The following TRPC6 variants were observed in gnomAD, a reference collection of about 807,000 sequenced individuals.
TRPC6 encodes the protein short transient receptor potential channel 6.
In TRPC6, 55 loss-of-function variants were observed where a neutral mutation model predicts 90.7. The ratio of observed to expected loss-of-function variants is 0.61; its 90% CI spans 0.49 to 0.76. The LOEUF (loss-of-function observed/expected upper bound fraction) is 0.76. Ranked by LOEUF, TRPC6 falls within the 30% of genes least tolerant of loss-of-function variation. TRPC6 has a pLI of 0.00. For synonymous variants in TRPC6, 393 were observed against 393.0 expected (o/e 1.00, Z 0.00); for missense variants, 989 against 1,122.7 (o/e 0.88, Z 1.70).
intron 1 of TRPC6, chr11:101,519,902 C>CA (rs1860615339): frequency 6.5e-6 from 1 of 153,204 alleles, no homozygotes; most frequent in African/African-American, 2.4e-5. Context: ...CTCCCTCACT[C>CA]AGTCTCTCTG....
intron 1 of TRPC6, among the ~76,000 whole-genome samples, chr11:101,576,822 C>G (rs780108702): frequency 6.6e-6 from 1 of 152,176 alleles, no homozygotes; most frequent in Non-Finnish European, 1.5e-5. Flanking sequence ...TATGCAATGT[C>G]TTCCTGGAGG....
At chr11:101,536,498 CTACTCTAGGG>C (rs1861051696) in intron 1 of TRPC6, among the ~76,000 whole-genome samples, 1 of 151,392 alleles carries the variant, frequency 6.6e-6, no homozygotes, top group South Asian at 2.1e-4. Flanking sequence ...GGTATATTCT[CTACTCTAGGG>C]TAGGAATCAG....
At chr11:101,484,820 G>A (rs1406949890) in intron 4 of TRPC6, among the ~76,000 whole-genome samples, 4 of 151,888 alleles carry the variant, frequency 2.6e-5, no homozygotes, top group African/African-American at 4.8e-5. Flanking sequence ...TCATGTAAAT[G>A]CTATGTAAAT....
At chr11:101,510,061 C>T (rs565969079) in intron 1 of TRPC6, among the ~76,000 whole-genome samples, 1 of 152,230 alleles carries the variant, frequency 6.6e-6, no homozygotes, top group South Asian at 2.1e-4. Flanking sequence ...ACAGTAAAAG[C>T]TGCTTGTATG....
At chr11:101,550,138 T>G (rs1861418735) in intron 1 of TRPC6, among the ~76,000 whole-genome samples, 1 of 151,624 alleles carries the variant, frequency 6.6e-6, no homozygotes, top group Non-Finnish European at 1.5e-5. Flanking sequence ...TTTTTTAAGA[T>G]GTTTTTTGCA....
intron 1 of TRPC6, among the ~76,000 whole-genome samples, chr11:101,524,485 G>A (rs1213075533): frequency 6.6e-6 from 1 of 152,152 alleles, no homozygotes; most frequent in Non-Finnish European, 1.5e-5. Context: ...TCATGACCTC[G>A]TGATCCACCC....
At chr11:101,525,211 A>G (rs545578973) in intron 1 of TRPC6, among the ~76,000 whole-genome samples, 1 of 152,234 alleles carries the variant, frequency 6.6e-6, no homozygotes, top group Non-Finnish European at 1.5e-5. Context: ...AAGGTGGTAG[A>G]GCATTTTGGC....
intron 1 of TRPC6, among the ~76,000 whole-genome samples, chr11:101,525,486 C>T (rs897914041): frequency 6.6e-6 from 1 of 152,196 alleles, no homozygotes; most frequent in African/African-American, 2.4e-5. Context: ...GGACAACACT[C>T]ATAGTTCTGG....
At chr11:101,573,156 T>C (rs1862001034) in intron 1 of TRPC6, among the ~76,000 whole-genome samples, 1 of 152,128 alleles carries the variant, frequency 6.6e-6, no homozygotes. Context: ...ATTGTAGAGA[T>C]AAGGCCAATA....
intron 1 of TRPC6, among the ~76,000 whole-genome samples, chr11:101,523,442 A>G (rs1860705952): frequency 6.6e-6 from 1 of 152,254 alleles, no homozygotes; most frequent in Non-Finnish European, 1.5e-5. Flanking sequence ...TTTCTAAGAT[A>G]TATGAGAAAA....
At position 101,536,399 on chromosome 11, in the gene TRPC6, TC is replaced by T. The variant is rs778827135; in HGVS notation, c.171-31602del. 9.7e-3 allele frequency among the ~76,000 whole-genome samples: 839 copies of T among 86,712 alleles called. 8 individuals carry two copies. Among genetic ancestry groups the T allele is most frequent in the African/African-American group, 0.033 (783 of 23,974 alleles). 56.9% of individuals were successfully genotyped at this position (86,712 alleles called of 152,430 possible). On this transcript the variant is annotated intron_variant, in intron 1 of 12. Transcript: ENST00000344327. ...AAGACTCGATCCCCCAGCCCCTCCC[TC>T]CCCCCCACCAAAAAAAAAGAAAGAA...
At chr11:101,472,935 T>C (rs905380389) in intron 7 of TRPC6, among the ~76,000 whole-genome samples, 1 of 151,338 alleles carries the variant, frequency 6.6e-6, no homozygotes, top group African/African-American at 2.4e-5. Context: ...ACTGAAGACC[T>C]AATATTTAAA....
intron 1 of TRPC6, among the ~76,000 whole-genome samples, chr11:101,508,124 A>T (rs963064866): frequency 1.3e-5 from 2 of 151,856 alleles, no homozygotes; most frequent in African/African-American, 2.4e-5. Context: ...AGGCACAAAC[A>T]TTTTTTCTTC....
At chr11:101,579,354 TC>T (rs1425435921) in intron 1 of TRPC6, among the ~76,000 whole-genome samples, 1 of 152,224 alleles carries the variant, frequency 6.6e-6, no homozygotes, top group Non-Finnish European at 1.5e-5. Context: ...AGATTCTTTT[TC>T]ATGTGGTTGT....
At chr11:101,467,973 G>A (rs2136662551) in intron 10 of TRPC6, among the ~76,000 whole-genome samples, 1 of 152,204 alleles carries the variant, frequency 6.6e-6, no homozygotes, top group Middle Eastern at 3.4e-3. Flanking sequence ...ATTTTTAAAT[G>A]CAATCTAGAT....
intron 5 of TRPC6, among the ~76,000 whole-genome samples, chr11:101,478,559 CT>C: frequency 6.6e-6 from 1 of 152,182 alleles, no homozygotes; most frequent in Admixed American, 6.5e-5. Context: ...CTTCCTGAAG[CT>C]TAAAAACTAA....
chr11:101,500,923 T>C (rs1032778839), intron 2 of TRPC6, among the ~76,000 whole-genome samples: 3 of 152,138 alleles, frequency 2.0e-5, no homozygotes, highest in East Asian at 1.9e-4. Flanking sequence ...TGAAGGAGAA[T>C]TGAAGAGTTC....
chr11:101,565,711 A>C (rs1450772673), intron 1 of TRPC6, among the ~76,000 whole-genome samples: 1 of 152,102 alleles, frequency 6.6e-6, no homozygotes, highest in Admixed American at 6.5e-5. Context: ...TATTTGATGA[A>C]AACTTGCTAA....
chr11:101,489,025 G>A lies in TRPC6; in HGVS notation c.1205C>T (p.Thr402Ile). ...GACCACAAGGAACTTGACCGCCATT[G>A]TCTGCTGTCGTAAACCAGAAAGATT... ...YENLSGLRQQ[T>I]MAVKFLVVLA... Residue 402 changes from threonine to isoleucine, a missense_variant, in exon 4 of 13, where the codon ACA becomes ATA. Thr to Ile is a moderately conservative substitution (Grantham distance 89, BLOSUM62 -1). This residue lies in a region of TRPC6 where 486 missense variants were observed against 591.9 expected (regional missense o/e 0.82). Transcript: ENST00000344327. The A allele has an allele frequency of 6.2e-7, 1 of 1,614,192 alleles. No homozygotes were observed. The highest frequency in any genetic ancestry group is 8.5e-7 in the Non-Finnish European group (1 of 1,180,006).
Sources: allele counts gnomAD v4.1 joint callset (sites outside exome capture counted in the v4.1 genomes callset), GRCh38; gene constraint gnomAD v4.1.1; regional missense constraint gnomAD v4.1.1; transcripts MANE v1.5; gene names NCBI Gene and HGNC (gene_info 2026-07-23, HGNC 2026-07-21).